ADAMTS9: variants seen among roughly 807,000 people sequenced by gnomAD.
The protein encoded by ADAMTS9 is ADAM metallopeptidase with thrombospondin type 1 motif 9.
ADAMTS9 carries 107 observed loss-of-function variants against 257.1 expected under a neutral mutation model. The observed-to-expected ratio is 0.42, with a 90% CI of 0.36 to 0.49. The LOEUF (loss-of-function observed/expected upper bound fraction) is 0.49. Among genes scored for constraint, ADAMTS9 ranks in the 20% least tolerant of loss-of-function variants. The pLI, the probability that ADAMTS9 is intolerant of heterozygous loss-of-function variation, is 0.03. For missense variants in ADAMTS9, 2,353 were observed against 2,469.1 expected (o/e 0.95, Z 1.00); for synonymous variants, 982 against 880.9 (o/e 1.11, Z -2.03).
At chr3:64,681,485 TTG>T in intron 2 of ADAMTS9, 122 bp from the exon 3 acceptor site, 1 of 1,002,452 alleles carries the variant, frequency 1.0e-6, no homozygotes, top group South Asian at 1.9e-5. Flanking sequence ...TTCAGGAGGG[TTG>T]TTTCAACTGA....
chr3:64,639,858 T>G (rs1402892041), intron 12 of ADAMTS9, among the ~76,000 whole-genome samples: 2 of 152,184 alleles, frequency 1.3e-5, no homozygotes, highest in African/African-American at 4.8e-5. Context: ...ATGATACTTA[T>G]TTTATATTAT....
chr3:64,666,593 G>T (rs1405670085), intron 3 of ADAMTS9, among the ~76,000 whole-genome samples: 1 of 152,078 alleles, frequency 6.6e-6, no homozygotes. Flanking sequence ...GCCCTTTCTT[G>T]TGTCATTTCC....
intron 26 of ADAMTS9, among the ~76,000 whole-genome samples, chr3:64,599,011 G>C (rs1188345083): frequency 6.6e-6 from 1 of 152,134 alleles, no homozygotes; most frequent in Non-Finnish European, 1.5e-5. Flanking sequence ...ATGGGTGCAA[G>C]GATGAACACC....
At chr3:64,627,473 CAAAT>C in intron 16 of ADAMTS9, among the ~76,000 whole-genome samples, 1 of 152,206 alleles carries the variant, frequency 6.6e-6, no homozygotes, top group African/African-American at 2.4e-5. Context: ...GTACTGGAGA[CAAAT>C]AAGTATCACA....
intron 37 of ADAMTS9, among the ~76,000 whole-genome samples, chr3:64,535,356 G>T (rs1260171349): frequency 6.6e-6 from 1 of 152,070 alleles, no homozygotes; most frequent in Non-Finnish European, 1.5e-5. Flanking sequence ...TCCAGCCTGG[G>T]CAACAGAGTG....
At chr3:64,561,386 T>C (rs368167971) in intron 30 of ADAMTS9, 192 bp downstream of exon 30, 2 of 446,796 alleles carry the variant, frequency 4.5e-6, no homozygotes, top group Non-Finnish European at 7.6e-6. Context: ...GACGTAGGAA[T>C]TGCTTAAAAA....
chr3:64,667,897 G>T (rs1265114296), intron 3 of ADAMTS9, among the ~76,000 whole-genome samples: 1 of 152,156 alleles, frequency 6.6e-6, no homozygotes, highest in East Asian at 1.9e-4. Flanking sequence ...GAAATAACTT[G>T]AGAAAATATT....
Position 64,633,965 on chromosome 3 carries a change from C to A in ADAMTS9, c.1857-86G>T, listed in dbSNP as rs939771520. On this transcript the variant is annotated intron_variant, in intron 12 of 39. Transcript: ENST00000498707. ...CACTCCTTCATTCATGACTTCCTGT[C>A]TTCTAGAGAAGTAAATCTAGGGTGG... 4.7e-6 allele frequency: 6 copies of A among 1,266,766 alleles called. No homozygotes were observed. In the Admixed American group the frequency reaches 6.6e-5, roughly 14 times the overall value. 78.5% of individuals were successfully genotyped at this position (1,266,766 alleles called of 1,614,324 possible).
At chr3:64,621,013 G>T in intron 19 of ADAMTS9, 101 bp downstream of exon 19, 2 of 1,400,536 alleles carry the variant, frequency 1.4e-6, no homozygotes, top group Non-Finnish European at 1.9e-6. Context: ...CAAGAAAGGG[G>T]AACTAAAGAC....
chr3:64,572,136 C>T (rs1559770434), intron 28 of ADAMTS9, among the ~76,000 whole-genome samples: 1 of 152,150 alleles, frequency 6.6e-6, no homozygotes, highest in Non-Finnish European at 1.5e-5. Flanking sequence ...TGATCTTCCT[C>T]CCAACTTTGA....
At chr3:64,519,381 G>A (rs1023113468) in intron 39 of ADAMTS9, among the ~76,000 whole-genome samples, 1 of 152,010 alleles carries the variant, frequency 6.6e-6, no homozygotes, top group African/African-American at 2.4e-5. Flanking sequence ...GCAAAGAGCT[G>A]GTACCAATCC....
At chr3:64,521,950 C>G (rs941971419) in intron 39 of ADAMTS9, among the ~76,000 whole-genome samples, 1 of 152,106 alleles carries the variant, frequency 6.6e-6, no homozygotes, top group Non-Finnish European at 1.5e-5. Context: ...AATAAATAGG[C>G]CAGCTCTGTA....
At chr3:64,545,400 C>T (rs898846906) in intron 32 of ADAMTS9, among the ~76,000 whole-genome samples, 5 of 152,172 alleles carry the variant, frequency 3.3e-5, no homozygotes, top group African/African-American at 1.2e-4. Flanking sequence ...AAATGTGGCA[C>T]ATATACACCA....
Position 64,622,511 on chromosome 3 carries a change from A to T in ADAMTS9, c.2465T>A (p.Ile822Asn). ...ACTGTACTCTACCACAGCATTCCCAATGCGAATTTCCCTTTTGGCCATTGT... is the reference window on the plus strand; with the variant it reads ...ACTGTACTCTACCACAGCATTCCCATTGCGAATTTCCCTTTTGGCCATTGT... ...VVTMAKREIR[I>N]GNAVVEYSGS... The change falls in exon 17 of 40, where the codon ATT becomes AAT. Residue 822 changes from isoleucine to asparagine, a missense_variant. Ile to Asn is a moderately radical substitution (Grantham distance 149). Coordinates refer to ENST00000498707, the MANE Select transcript of ADAMTS9 (RefSeq NM_182920.2). 6.2e-7 allele frequency: 1 copy of T among 1,614,132 alleles called. No homozygotes were observed. Among genetic ancestry groups the T allele is most frequent in the Admixed American group, 1.7e-5 (1 of 60,026 alleles).
At chr3:64,616,405 T>C (rs939890309) in intron 19 of ADAMTS9, among the ~76,000 whole-genome samples, 1 of 152,182 alleles carries the variant, frequency 6.6e-6, no homozygotes, top group African/African-American at 2.4e-5. Context: ...GGTGTTACCT[T>C]TGTGATGATT....
At chr3:64,660,726 G>C (rs1044870549) in intron 3 of ADAMTS9, among the ~76,000 whole-genome samples, 1 of 152,152 alleles carries the variant, frequency 6.6e-6, no homozygotes, top group Non-Finnish European at 1.5e-5. Flanking sequence ...CAGTGCAAGA[G>C]TAGTGATACT....
chr3:64,561,815 G>T (rs2083431484), intron 29 of ADAMTS9, 64 bp from the exon 30 acceptor site: 1 of 1,418,322 alleles, frequency 7.1e-7, no homozygotes, highest in East Asian at 2.4e-5. Context: ...GGCGGGGGGT[G>T]TCGAGGGTCA....
chr3:64,631,661 A>G, intron 15 of ADAMTS9, 111 bp from the exon 16 acceptor site: 2 of 1,193,524 alleles, frequency 1.7e-6, no homozygotes. Flanking sequence ...ATATAATTCT[A>G]TTAGGTGCCT....
chr3:64,541,348 CAG>C lies in ADAMTS9; in HGVS notation c.5357_5358del (p.Ser1786Ter). The stretch of plus-strand genomic sequence containing the variant: ...TGCCCATAAACCTCGGAGAAATTCT[CAG>C]AGTCTCCATGCACCAGTGTCACGTA... ...KEYVTLVHGD[S>X]ENFSEVYGHR... is the part of the protein sequence containing the mutation. On this transcript the variant is annotated frameshift_variant, in exon 35 of 40. Transcript: ENST00000498707. LOFTEE classifies it high-confidence loss of function. The C allele has an allele frequency of 6.2e-7, 1 of 1,614,164 alleles. No homozygotes were observed. The highest frequency in any genetic ancestry group is 8.5e-7 in the Non-Finnish European group (1 of 1,180,014).
Sources: allele counts gnomAD v4.1 joint callset (sites outside exome capture counted in the v4.1 genomes callset), GRCh38; gene constraint gnomAD v4.1.1; transcripts MANE v1.5; gene names NCBI Gene and HGNC (gene_info 2026-07-23, HGNC 2026-07-21).